The following ARHGAP28 variants were observed in gnomAD, a reference collection of about 807,000 sequenced individuals.
The protein encoded by ARHGAP28 is Rho GTPase activating protein 28.
ARHGAP28 carries 56 observed loss-of-function variants against 90.7 expected under a neutral mutation model. The observed-to-expected ratio is 0.62, with a 90% CI of 0.50 to 0.77. The LOEUF (loss-of-function observed/expected upper bound fraction) is 0.77, where lower values mean the gene tolerates loss of function less well. Among genes scored for constraint, ARHGAP28 ranks in the 30% least tolerant of loss-of-function variants. The pLI is 0.00. For synonymous variants in ARHGAP28, 308 were observed against 323.3 expected, an observed-to-expected ratio of 0.95 and a Z score of 0.51; for missense variants, 869 against 900.9, an observed-to-expected ratio of 0.96 and a Z score of 0.45.
intron 1 of ARHGAP28, among the ~76,000 whole-genome samples, chr18:6,809,395 G>T (rs1490909752): frequency 6.6e-6 from 1 of 152,134 alleles, no homozygotes; most frequent in Non-Finnish European, 1.5e-5. Context: ...CATAATGAGG[G>T]TGTATTAGTT....
rs146186929 is a variant in ARHGAP28 at position 6,801,953 on chromosome 18, C to G, written c.123-22809C>G. Among the ~76,000 whole-genome samples the G allele has an allele frequency of 4.3e-3, 654 of 152,244 alleles. 6 individuals are homozygous for G. The highest frequency in any genetic ancestry group is 0.015 in the African/African-American group (637 of 41,528). On this transcript the variant is annotated intron_variant, in intron 1 of 17. Transcript: ENST00000383472. ...AGCCTCTGGTAACTACCAGTCTACC[C>G]TTTATCTTAACGAGATTCATGGTTT...
At chr18:6,758,241 G>A (rs1366881510) in intron 1 of ARHGAP28, among the ~76,000 whole-genome samples, 1 of 152,142 alleles carries the variant, frequency 6.6e-6, no homozygotes, top group Non-Finnish European at 1.5e-5. Flanking sequence ...TGGGTGAGGG[G>A]CCGGGGAACT....
At chr18:6,835,082 A>G (rs1163851499) in intron 2 of ARHGAP28, among the ~76,000 whole-genome samples, 1 of 152,150 alleles carries the variant, frequency 6.6e-6, no homozygotes, top group Non-Finnish European at 1.5e-5. Context: ...TAATACTGGT[A>G]TCTGCCCTGA....
chr18:6,749,763 A>G (rs574739481), intron 1 of ARHGAP28, among the ~76,000 whole-genome samples: 1 of 152,292 alleles, frequency 6.6e-6, no homozygotes, highest in Admixed American at 6.5e-5. Flanking sequence ...TATTTAGAGT[A>G]GTAATATAAT....
Position 6,873,765 on chromosome 18 carries a change from T to C in ARHGAP28, c.1202T>C (p.Val401Ala), listed in dbSNP as rs887669293. 1.9e-6 allele frequency: 3 copies of C among 1,613,676 alleles called. No individual in the cohort carries two copies. The highest frequency in any genetic ancestry group is 8.5e-7 in the Non-Finnish European group (1 of 1,179,750). The change falls in exon 9 of 18, where the codon GTA (valine) becomes GCA (alanine). Residue 401 changes from valine (V) to alanine (A), a missense_variant. Transcript: ENST00000383472. ...GACCCTGGAGTGAAAGTTCCCCTGGTATTACAAAAAGTGAGTAGCAGGCAA... is the reference window on the plus strand; with the variant it reads ...GACCCTGGAGTGAAAGTTCCCCTGGCATTACAAAAAGTGAGTAGCAGGCAA... ...KKDPGVKVPL[V>A]LQKFFEKVEE...
At chr18:6,848,811 C>A (rs886463295) in intron 3 of ARHGAP28, among the ~76,000 whole-genome samples, 1 of 152,138 alleles carries the variant, frequency 6.6e-6, no homozygotes, top group Non-Finnish European at 1.5e-5. Flanking sequence ...TCTCAGGCAT[C>A]CTCAGGACAT....
At chr18:6,897,605 A>T (rs527308502) in intron 16 of ARHGAP28, 1 of 152,244 alleles carries the variant, frequency 6.6e-6, no homozygotes, top group South Asian at 2.1e-4. Flanking sequence ...GGATGGCCTT[A>T]AAATGAAGCA....
intron 1 of ARHGAP28, among the ~76,000 whole-genome samples, chr18:6,758,517 T>C (rs2056131871): frequency 6.6e-6 from 1 of 152,106 alleles, no homozygotes. Context: ...AGAGATGGGG[T>C]GTCTCCATGT....
At chr18:6,731,264 C>A (rs2055879474) in intron 1 of ARHGAP28, among the ~76,000 whole-genome samples, 1 of 149,840 alleles carries the variant, frequency 6.7e-6, no homozygotes, top group Non-Finnish European at 1.5e-5. Flanking sequence ...CAGATTATGA[C>A]TAACTAAATA....
rs534933643 is a variant in ARHGAP28, at chr18:6,826,139, G to A, written c.325+1175G>A. ...AGTGTTTTTTTTTTTTTTTCTGTTT[G>A]TTTTTTTGACTGTTTTGATAGTAGC... On this transcript the variant is annotated intron_variant, in intron 2 of 17. Coordinates refer to ENST00000383472, the MANE Select transcript of ARHGAP28 (RefSeq NM_001366230.1). 2.7e-5 allele frequency among the ~76,000 whole-genome samples: 3 copies of A among 110,128 alleles called. No homozygotes were observed. The South Asian group carries it at 9.5e-4, about 35-fold the overall frequency. The allele number at this position is 110,128 out of a possible 152,430, so 72.2% of individuals were successfully genotyped here. A position where few individuals can be genotyped will look rare whatever the true frequency, so the allele number is the denominator to read the frequency against.
chr18:6,811,865 A>G (rs2056559476), intron 1 of ARHGAP28, among the ~76,000 whole-genome samples: 1 of 152,206 alleles, frequency 6.6e-6, no homozygotes, highest in Non-Finnish European at 1.5e-5. Flanking sequence ...ATGAATTAAT[A>G]TCAATCCACA....
At chr18:6,839,441 C>A (rs1021615081) in intron 3 of ARHGAP28, among the ~76,000 whole-genome samples, 11 of 152,026 alleles carry the variant, frequency 7.2e-5, no homozygotes, top group South Asian at 2.1e-4. Flanking sequence ...CTATAGGCGC[C>A]AGCCACCACG....
At chr18:6,881,426 A>G (rs2057176977) in intron 10 of ARHGAP28, among the ~76,000 whole-genome samples, 1 of 152,228 alleles carries the variant, frequency 6.6e-6, no homozygotes, top group Admixed American at 6.5e-5. Context: ...TGCCTTTGAA[A>G]AGAAACATGA....
In ARHGAP28 at chr18:6,890,423, T is replaced by A. The variant is rs779244153; in HGVS notation, c.1735-7T>A. The A allele has an allele frequency of 2.5e-6, 4 of 1,579,400 alleles. No individual in the cohort carries two copies. Among genetic ancestry groups the A allele is most frequent in the Non-Finnish European group, 3.5e-6 (4 of 1,152,484 alleles). On this transcript the variant is annotated splice_region_variant and splice_polypyrimidine_tract_variant and intron_variant, in intron 13 of 17. Transcript: ENST00000383472. The stretch of plus-strand genomic sequence containing the variant: ...TCCATCCAGTCCAAGCTATTTTTCT[T>A]CTCCAGGTTCCATCTTTCTTAATCA...
chr18:6,831,096 A>C (rs949282582), intron 2 of ARHGAP28, among the ~76,000 whole-genome samples: 2 of 152,132 alleles, frequency 1.3e-5, no homozygotes, highest in African/African-American at 4.8e-5. Context: ...GCAACACTTG[A>C]TGCTTTCAGT....
chr18:6,882,228 C>T lies in ARHGAP28; in HGVS notation c.1382C>T (p.Ala461Val), dbSNP rs764405442. ...AGAGAAGCTGCAGTAATGTTGAAAG[C>T]GTTTTTCAGAGAACTACCCACCTCT... ...CHREAAVMLK[A>V]FFRELPTSLF... Residue 461 changes from alanine to valine, a missense_variant, in exon 11 of 18, where the codon GCG (alanine) becomes GTG (valine). Physicochemically the swap from Ala to Val is moderately conservative, Grantham distance 64 (BLOSUM62 0). Transcript: ENST00000383472. 22 of 1,613,984 alleles carry T rather than the reference C, an allele frequency of 1.4e-5. No individual in the cohort carries two copies. Among genetic ancestry groups the T allele is most frequent in the Middle Eastern group, 1.6e-4 (1 of 6,062 alleles).
At chr18:6,881,770 A>T (rs2143640849) in intron 10 of ARHGAP28, among the ~76,000 whole-genome samples, 1 of 152,324 alleles carries the variant, frequency 6.6e-6, no homozygotes, top group Admixed American at 6.5e-5. Flanking sequence ...AGAAGGGATT[A>T]TGAAAAGAGG....
intron 1 of ARHGAP28, 125 bp downstream of exon 1, chr18:6,730,068 A>G: frequency 6.0e-6 from 6 of 999,000 alleles, no homozygotes; most frequent in Non-Finnish European, 7.9e-6. Context: ...GTTTTGGTGG[A>G]CTAGATGAGT....
intron 4 of ARHGAP28, among the ~76,000 whole-genome samples, chr18:6,851,886 A>G (rs942689961): frequency 6.6e-6 from 1 of 152,072 alleles, no homozygotes; most frequent in African/African-American, 2.4e-5. Flanking sequence ...TGGGGACAGG[A>G]GGGAGGGTGA....
Sources: allele counts gnomAD v4.1 joint callset (sites outside exome capture counted in the v4.1 genomes callset), GRCh38; gene constraint gnomAD v4.1.1; transcripts MANE v1.5; gene names NCBI Gene and HGNC (gene_info 2026-07-23, HGNC 2026-07-21).